The following PLXNA2 variants were observed in gnomAD, a reference collection of about 807,000 sequenced individuals.
PLXNA2 encodes plexin-A2.
PLXNA2 carries 91 observed loss-of-function variants against 193.5 expected under a neutral mutation model. That is an observed-to-expected ratio of 0.47 (90% CI 0.40 to 0.56). PLXNA2 has a LOEUF of 0.56. Among genes scored for constraint, PLXNA2 ranks in the 20% least tolerant of loss-of-function variants. PLXNA2 has a pLI of 0.00. For synonymous variants in PLXNA2, 997 were observed against 1,027.3 expected, an observed-to-expected ratio of 0.97 and a Z score of 0.56; for missense variants, 1,995 against 2,503.2, an observed-to-expected ratio of 0.80 and a Z score of 4.33.
chr1:208,155,534 T>C (rs1326416754), intron 3 of PLXNA2, among the ~76,000 whole-genome samples: 1 of 152,090 alleles, frequency 6.6e-6, no homozygotes, highest in African/African-American at 2.4e-5. Context: ...GGGACTGGAG[T>C]CATTAACTGA....
At chr1:208,157,565 G>A (rs1324879941) in intron 3 of PLXNA2, among the ~76,000 whole-genome samples, 2 of 152,172 alleles carry the variant, frequency 1.3e-5, no homozygotes, top group Non-Finnish European at 2.9e-5. Context: ...TCAGGATGTT[G>A]TAAGTGAGGG....
At position 208,158,899 on chromosome 1, in the gene PLXNA2, G is replaced by C. The variant is rs149168675; in HGVS notation, c.1372-16436C>G. On this transcript the variant is annotated intron_variant, in intron 3 of 31. Transcript: ENST00000367033. ...TCTTGGCTTTCAAGATCCTCCCTGTGGTGGAGCCCTGCAGTGGGCTCTATC... is the reference window on the plus strand; with the variant it reads ...TCTTGGCTTTCAAGATCCTCCCTGTCGTGGAGCCCTGCAGTGGGCTCTATC... Among the ~76,000 whole-genome samples the C allele has an allele frequency of 1.3e-3, 191 of 152,318 alleles. 1 individual carries two copies. Among genetic ancestry groups the C allele is most frequent in the African/African-American group, 4.4e-3 (183 of 41,580 alleles).
intron 2 of PLXNA2, among the ~76,000 whole-genome samples, chr1:208,212,268 T>C (rs756387038): frequency 2.0e-4 from 31 of 152,178 alleles, no homozygotes; most frequent in Non-Finnish European, 3.7e-4. Flanking sequence ...TTATGGCATA[T>C]GATTTTTTTT....
At chr1:208,103,582 C>G (rs1366839460) in intron 4 of PLXNA2, among the ~76,000 whole-genome samples, 1 of 152,212 alleles carries the variant, frequency 6.6e-6, no homozygotes, top group African/African-American at 2.4e-5. Context: ...TGTTGAAAGG[C>G]TATTGAGTGG....
At chr1:208,148,901 T>C (rs557389905) in intron 3 of PLXNA2, among the ~76,000 whole-genome samples, 4 of 152,184 alleles carry the variant, frequency 2.6e-5, no homozygotes, top group Non-Finnish European at 5.9e-5. Flanking sequence ...CAGTGTAATA[T>C]AAATATAAAG....
At chr1:208,120,186 G>A (rs753080774) in intron 4 of PLXNA2, among the ~76,000 whole-genome samples, 43 of 152,340 alleles carry the variant, frequency 2.8e-4, no homozygotes, top group Middle Eastern at 6.8e-3. Flanking sequence ...AAAACCAAAG[G>A]AAATGAAAAC....
chr1:208,180,136 G>C (rs942191972), intron 3 of PLXNA2, among the ~76,000 whole-genome samples: 1 of 151,388 alleles, frequency 6.6e-6, no homozygotes, highest in African/African-American at 2.4e-5. Flanking sequence ...CACAACAGGC[G>C]GTTTAGAGCA....
chr1:208,154,878 C>T (rs1057283327), intron 3 of PLXNA2, among the ~76,000 whole-genome samples: 6 of 152,138 alleles, frequency 3.9e-5, no homozygotes, highest in African/African-American at 1.2e-4. Context: ...AAGGCAGCGG[C>T]GGGAACAAAT....
intron 9 of PLXNA2, among the ~76,000 whole-genome samples, chr1:208,086,789 C>A (rs1395867852): frequency 1.3e-3 from 164 of 125,788 alleles, no homozygotes; most frequent in African/African-American, 2.0e-3. Context: ...TATTTATAGC[C>A]AAAAAAAAAA....
chr1:208,237,466 C>T (rs915102424), intron 1 of PLXNA2, among the ~76,000 whole-genome samples: 3 of 152,180 alleles, frequency 2.0e-5, no homozygotes, highest in Non-Finnish European at 2.9e-5. Flanking sequence ...GAATACAACA[C>T]GAAAATCCTT....
chr1:208,045,091 G>T lies in PLXNA2; in HGVS notation c.3615C>A (p.Asn1205Lys). The T allele has an allele frequency of 6.2e-7, 1 of 1,614,188 alleles. No homozygotes were observed. The highest frequency in any genetic ancestry group is 2.2e-5 in the East Asian group (1 of 44,870). ...SETQLLCEPP[N>K]LTGQHKVMVH... ...CCATGACCTTGTGCTGCCCGGTGAG[G>T]TTGGGAGGCTCGCAGAGAAGCTGGG... The change falls in exon 19 of 32, where the codon AAC (asparagine) becomes AAA (lysine). Residue 1205 changes from asparagine (N) to lysine (K), a missense_variant. Asn to Lys is a moderately conservative substitution (Grantham distance 94). Transcript: ENST00000367033.
intron 17 of PLXNA2, among the ~76,000 whole-genome samples, chr1:208,049,581 G>A (rs1363524504): frequency 6.6e-6 from 1 of 152,200 alleles, no homozygotes; most frequent in Non-Finnish European, 1.5e-5. Context: ...GTAATGTCAA[G>A]CCCACCAGCA....
chr1:208,079,798 TG>T (rs1553276987), intron 11 of PLXNA2, among the ~76,000 whole-genome samples: 9 of 41,364 alleles, frequency 2.2e-4, no homozygotes, highest in Non-Finnish European at 4.1e-4. Flanking sequence ...TGTTTTTTTT[TG>T]TGAGGTTGGA....
At position 208,082,340 on chromosome 1, in the gene PLXNA2, C is replaced by G. The variant is rs1666371968; in HGVS notation, c.2395+72G>C. On this transcript the variant is annotated intron_variant, in intron 11 of 31. Transcript: ENST00000367033. The surrounding 1 kb of genome is among the most constrained non-coding windows in gnomAD (Gnocchi z 4.2). ...TTCATGGCACAGCGGCTGGCTGGCT[C>G]TGATCCCTCTAGCCCCAGTCTTTCC... 4 of 1,211,152 alleles carry G rather than the reference C, an allele frequency of 3.3e-6. No individual in the cohort carries two copies. The highest frequency in any genetic ancestry group is 1.9e-4 in the Middle Eastern group (1 of 5,328). 75.0% of individuals were successfully genotyped at this position (1,211,152 alleles called of 1,614,324 possible).
intron 4 of PLXNA2, 87 bp from the exon 5 acceptor site, chr1:208,103,334 T>G: frequency 9.9e-7 from 1 of 1,009,034 alleles, no homozygotes; most frequent in Non-Finnish European, 1.5e-6. Flanking sequence ...GTACTCACAC[T>G]TGCACTGTCA....
chr1:208,190,778 T>A (rs562439063), intron 3 of PLXNA2, among the ~76,000 whole-genome samples: 4 of 152,250 alleles, frequency 2.6e-5, no homozygotes, highest in Non-Finnish European at 5.9e-5. Context: ...ACAAGTAATA[T>A]GTTTGACAGC....
chr1:208,224,016 A>C (rs765837765), intron 1 of PLXNA2, among the ~76,000 whole-genome samples: 4 of 152,150 alleles, frequency 2.6e-5, no homozygotes, highest in Non-Finnish European at 5.9e-5. Context: ...CCGTGGGTGG[A>C]ATGCTACTGA....
intron 4 of PLXNA2, among the ~76,000 whole-genome samples, chr1:208,129,576 C>T (rs546532951): frequency 6.6e-6 from 1 of 152,238 alleles, no homozygotes; most frequent in Non-Finnish European, 1.5e-5. Flanking sequence ...AACTCTCTCA[C>T]ACTCCCAAGC....
chr1:208,186,729 T>C (rs1214245057), intron 3 of PLXNA2, among the ~76,000 whole-genome samples: 1 of 148,532 alleles, frequency 6.7e-6, no homozygotes, highest in African/African-American at 2.5e-5. Context: ...TTTTTTTTTT[T>C]TGAGACGGAG....
Sources: gnomAD v4.1 joint callset for allele counts (sites outside exome capture counted in the v4.1 genomes callset) on GRCh38, gnomAD v4.1.1 for gene constraint, Gnocchi (gnomAD v3.1) non-coding constraint, MANE v1.5 for transcripts, NCBI Gene and HGNC (gene_info 2026-07-23, HGNC 2026-07-21) for gene names.